SLC47A1: variants seen among roughly 807,000 people sequenced by gnomAD.
SLC47A1 encodes multidrug and toxin extrusion protein 1.
In SLC47A1, 58 loss-of-function variants were observed where a neutral mutation model predicts 65.8. The observed-to-expected ratio is 0.88, with a 90% CI of 0.71 to 1.10. The LOEUF (loss-of-function observed/expected upper bound fraction) is 1.10, where lower values mean the gene tolerates loss of function less well. Among genes scored for constraint, SLC47A1 ranks in the 50% least tolerant of loss-of-function variants. The pLI is 0.00. For synonymous variants in SLC47A1, 285 were observed against 295.0 expected, an observed-to-expected ratio of 0.97 and a Z score of 0.35; for missense variants, 706 against 719.2, an observed-to-expected ratio of 0.98 and a Z score of 0.21.
At chr17:19,570,819 A>G (rs1343641190) in intron 14 of SLC47A1, 1 of 152,088 alleles carries the variant, frequency 6.6e-6, no homozygotes, top group African/African-American at 2.4e-5. Context: ...CCATTAGTTT[A>G]CTGTTGACCA....
intron 12 of SLC47A1, among the ~76,000 whole-genome samples, chr17:19,565,205 G>A (rs1329015439): frequency 6.6e-6 from 1 of 152,046 alleles, no homozygotes; most frequent in Non-Finnish European, 1.5e-5. Context: ...TAGCTTTAGG[G>A]GTTCCATTTC....
At chr17:19,559,825 G>A (rs1192057497) in intron 10 of SLC47A1, among the ~76,000 whole-genome samples, 2 of 151,824 alleles carry the variant, frequency 1.3e-5, no homozygotes, top group Admixed American at 6.6e-5. Flanking sequence ...GAGCCACCAC[G>A]CCTGACCTCT....
chr17:19,539,295 A>G (rs1183697623), intron 1 of SLC47A1, among the ~76,000 whole-genome samples: 1 of 152,212 alleles, frequency 6.6e-6, no homozygotes, highest in Non-Finnish European at 1.5e-5. Flanking sequence ...CTGCTGAGAC[A>G]TCTAGCGGAA....
At chr17:19,563,885 A>G (rs2084335726) in intron 12 of SLC47A1, among the ~76,000 whole-genome samples, 1 of 152,126 alleles carries the variant, frequency 6.6e-6, no homozygotes, top group African/African-American at 2.4e-5. Context: ...GCTACTCGGG[A>G]GGCTGAGGCA....
Position 19,577,577 on chromosome 17 carries a change from C to T in SLC47A1, c.*24C>T, listed in dbSNP as rs1476990638. 1.9e-6 allele frequency: 3 copies of T among 1,612,998 alleles called. No individual in the cohort carries two copies. Among genetic ancestry groups the T allele is most frequent in the Non-Finnish European group, 2.5e-6 (3 of 1,179,572 alleles). On this transcript the variant is annotated 3_prime_UTR_variant, in exon 17 of 17. Transcript: ENST00000270570. ...GACGTGGTAGGAAAGAAAGTCAGGT[C>T]AAGTGATGCTTTTGAGCTTACACAC... is the stretch of plus-strand genomic sequence containing the variant.
intron 1 of SLC47A1, among the ~76,000 whole-genome samples, chr17:19,537,617 G>C (rs1419272871): frequency 6.6e-6 from 1 of 152,222 alleles, no homozygotes; most frequent in Non-Finnish European, 1.5e-5. Flanking sequence ...AAGGCCTTTG[G>C]CTTTAGCTCC....
At position 19,571,506 on chromosome 17, in the gene SLC47A1, A is replaced by G. The variant is rs1160910501; in HGVS notation, c.1338A>G (p.Thr446=). Residue 446 remains threonine, a synonymous_variant, in exon 15 of 17, where the codon ACA becomes ACG. Coordinates refer to ENST00000270570, the MANE Select transcript of SLC47A1 (RefSeq NM_018242.3). ...TGTGGTCAGGGATCATCATCTGTAC[A>G]GTCTTTCAAGCTGTGTGTTTTCTAG... is the stretch of plus-strand genomic sequence containing the variant. ...MGLWSGIIIC[T]VFQAVCFLGF... The G allele has an allele frequency of 1.1e-5, 17 of 1,613,932 alleles. No homozygotes were observed. The highest frequency in any genetic ancestry group is 1.4e-5 in the Non-Finnish European group (17 of 1,179,972).
At position 19,571,488 on chromosome 17, in the gene SLC47A1, A is replaced by G. The variant is rs1304082966; in HGVS notation, c.1320A>G (p.Ser440=). 1 of 1,613,248 alleles carries G rather than the reference A, an allele frequency of 6.2e-7. No homozygotes were observed. The highest frequency in any genetic ancestry group is 8.5e-7 in the Non-Finnish European group (1 of 1,179,744). ...TATTTCTATTTCTAGGTCTGTGGTCAGGGATCATCATCTGTACAGTCTTTC... is the reference window on the plus strand; with the variant it reads ...TATTTCTATTTCTAGGTCTGTGGTCGGGGATCATCATCTGTACAGTCTTTC... The part of the protein sequence containing the change: ...ATTLGVMGLW[S]GIIICTVFQA... The change falls in exon 15 of 17, where the codon TCA becomes TCG. Residue 440 remains serine, a synonymous_variant. Transcript: ENST00000270570.
At chr17:19,537,029 A>G (rs923550976) in intron 1 of SLC47A1, among the ~76,000 whole-genome samples, 2 of 152,264 alleles carry the variant, frequency 1.3e-5, no homozygotes, top group Non-Finnish European at 2.9e-5. Context: ...GAACGTGCAG[A>G]TACCTGGCCT....
At chr17:19,547,204 A>C (rs1241971251) in intron 3 of SLC47A1, among the ~76,000 whole-genome samples, 2 of 152,088 alleles carry the variant, frequency 1.3e-5, no homozygotes, top group Non-Finnish European at 2.9e-5. Flanking sequence ...GGCATGTGCC[A>C]CTACACCCAG....
chr17:19,566,239 G>T (rs540029248), intron 12 of SLC47A1, among the ~76,000 whole-genome samples: 1 of 152,124 alleles, frequency 6.6e-6, no homozygotes, highest in South Asian at 2.1e-4. Flanking sequence ...TCCTCTCTGC[G>T]ATTTCAGGCA....
At chr17:19,573,006 AAC>A (rs1055163898) in intron 16 of SLC47A1, 145 bp downstream of exon 16, 1 of 695,828 alleles carries the variant, frequency 1.4e-6, no homozygotes, top group African/African-American at 1.8e-5. Context: ...AAAGCCAAGT[AAC>A]ACACAATTCA....
chr17:19,570,615 T>G (rs2152317303), intron 14 of SLC47A1, among the ~76,000 whole-genome samples: 1 of 152,358 alleles, frequency 6.6e-6, no homozygotes, highest in South Asian at 2.1e-4. Context: ...AAGTTACTGG[T>G]TAGCTTCCTG....
intron 1 of SLC47A1, among the ~76,000 whole-genome samples, chr17:19,535,981 T>A (rs575966735): frequency 1.1e-4 from 16 of 152,182 alleles, no homozygotes; most frequent in Non-Finnish European, 1.8e-4. Flanking sequence ...TATTATTATT[T>A]TTTGAGACAG....
At chr17:19,542,634 G>T in intron 2 of SLC47A1, 140 bp downstream of exon 2, 1 of 636,158 alleles carries the variant, frequency 1.6e-6, no homozygotes, top group African/African-American at 1.9e-5. Context: ...GAAGTCTGAA[G>T]TGGGTTTCAT....
chr17:19,534,365 C>T, intron 1 of SLC47A1: 3 of 354,660 alleles, frequency 8.5e-6, no homozygotes, highest in Non-Finnish European at 1.5e-5. Flanking sequence ...CAGCCTCCTG[C>T]GCCAGGAGAC....
intron 1 of SLC47A1, among the ~76,000 whole-genome samples, chr17:19,537,278 G>C (rs113519723): frequency 6.6e-6 from 1 of 152,212 alleles, no homozygotes; most frequent in Non-Finnish European, 1.5e-5. Context: ...CAGGTTGAGG[G>C]GGGTGAGGTG....
At chr17:19,562,186 A>G (rs1246746008) in intron 12 of SLC47A1, among the ~76,000 whole-genome samples, 2 of 152,188 alleles carry the variant, frequency 1.3e-5, no homozygotes, top group South Asian at 2.1e-4. Flanking sequence ...AACTAATTTC[A>G]TGGTTTATTC....
intron 2 of SLC47A1, among the ~76,000 whole-genome samples, chr17:19,545,947 G>A (rs141749010): frequency 1.9e-3 from 288 of 152,222 alleles, no homozygotes; most frequent in African/African-American, 6.5e-3. Flanking sequence ...TCTAGGCCGC[G>A]CGCTGTGGCT....
Sources: allele counts gnomAD v4.1 joint callset (sites outside exome capture counted in the v4.1 genomes callset), GRCh38; gene constraint gnomAD v4.1.1; transcripts MANE v1.5; gene names NCBI Gene and HGNC (gene_info 2026-07-23, HGNC 2026-07-21).